Variants in BRF1 observed in about 807,000 individuals in gnomAD.
BRF1 encodes transcription factor IIIB 90 kDa subunit.
BRF1 carries 59 observed loss-of-function variants against 81.7 expected under a neutral mutation model. The ratio of observed to expected loss-of-function variants is 0.72; its 90% confidence interval spans 0.59 to 0.90. BRF1 has a LOEUF of 0.90. Ranked by LOEUF, BRF1 falls within the 40% of genes least tolerant of loss-of-function variation. The probability of loss-of-function intolerance (pLI) is 0.00; values close to 1 mark genes in which losing one functional copy is unlikely to be tolerated. For synonymous variants in BRF1, 491 were observed against 395.6 expected (o/e 1.24, Z -2.86); for missense variants, 1,050 against 936.3 (o/e 1.12, Z -1.58).
intron 1 of BRF1, chr14:105,314,933 C>A: frequency 1.8e-6 from 2 of 1,105,628 alleles, no homozygotes; most frequent in South Asian, 2.3e-5. Flanking sequence ...CCGAGCGAGG[C>A]CGCCTCGGCC....
chr14:105,302,927 C>T (rs920830638), upstream of BRF1, among the ~76,000 whole-genome samples: 14 of 149,040 alleles, frequency 9.4e-5, no homozygotes, highest in Non-Finnish European at 1.9e-4. Context: ...CACTGCTCCC[C>T]GCCCTTTCTC....
intron 1 of BRF1, among the ~76,000 whole-genome samples, chr14:105,313,892 C>T (rs1319628745): frequency 6.6e-6 from 1 of 152,254 alleles, no homozygotes; most frequent in South Asian, 2.1e-4. Context: ...CGGGCCCCAG[C>T]GGCTCTAGCC....
At chr14:105,296,300 G>A (rs11626001) in intron 1 of BRF1, among the ~76,000 whole-genome samples, 44,280 of 151,756 alleles carry the variant, frequency 0.29, 6,652 homozygotes, top group African/African-American at 0.31. Context: ...CGAGGTGGGC[G>A]GATCACGAGG....
chr14:105,274,851 TC>T (rs777440732), intron 2 of BRF1, among the ~76,000 whole-genome samples: 15 of 152,168 alleles, frequency 9.9e-5, no homozygotes, highest in Non-Finnish European at 1.9e-4. Context: ...ACAGTGGGCG[TC>T]GTGGGCAGGC....
intron 5 of BRF1, chr14:105,248,989 C>G (rs2055369629): frequency 1.0e-6 from 1 of 992,910 alleles, no homozygotes; most frequent in South Asian, 4.5e-5. Context: ...GCCCCCGCGC[C>G]AGCGCCGCCG....
At chr14:105,299,318 C>G (rs1295170595) in intron 1 of BRF1, among the ~76,000 whole-genome samples, 3 of 152,148 alleles carry the variant, frequency 2.0e-5, no homozygotes, top group Non-Finnish European at 4.4e-5. Context: ...ACGCTGTAAT[C>G]CCAGCAATTC....
chr14:105,215,341 A>G (rs763236891), intron 15 of BRF1, among the ~76,000 whole-genome samples: 5 of 152,146 alleles, frequency 3.3e-5, no homozygotes, highest in Non-Finnish European at 4.4e-5. Flanking sequence ...TGTTGCATGC[A>G]CACACACTGC....
chr14:105,241,192 G>T, intron 6 of BRF1, 73 bp downstream of exon 6: 1 of 1,578,214 alleles, frequency 6.3e-7, no homozygotes, highest in African/African-American at 1.3e-5. Context: ...CAGCCCACCA[G>T]CACTCAGGAG....
intron 1 of BRF1, among the ~76,000 whole-genome samples, chr14:105,306,434 G>C (rs2058189257): frequency 6.6e-6 from 1 of 152,082 alleles, no homozygotes. Flanking sequence ...CTCCCGATTA[G>C]CTGGGATTAC....
chr14:105,290,824 C>T (rs929468122), intron 1 of BRF1, among the ~76,000 whole-genome samples: 6 of 151,918 alleles, frequency 3.9e-5, no homozygotes, highest in Non-Finnish European at 1.5e-5. Flanking sequence ...ACCACAGTCA[C>T]CCTCCCTGGG....
chr14:105,310,187 A>G (rs1345623343), intron 1 of BRF1, among the ~76,000 whole-genome samples: 4 of 151,874 alleles, frequency 2.6e-5, no homozygotes, highest in Admixed American at 1.3e-4. Flanking sequence ...TCCACTGGGA[A>G]TTTTTTAGTG....
At position 105,219,904 on chromosome 14, in the gene BRF1, G is replaced by T. The variant is rs587625611; in HGVS notation, c.1377+165C>A. On this transcript the variant is annotated intron_variant, in intron 12 of 17. Transcript: ENST00000547530. ...GCCGACACTGGAGAAGAGAGTGTGG[G>T]GGGGGGTCCCGGGAACAGTGGCCAG... The T allele has an allele frequency of 1.8e-4, 130 of 731,178 alleles. 1 individual carries two copies. In the African/African-American group the frequency reaches 2.2e-3, roughly 12 times the overall value. 45.3% of individuals were successfully genotyped at this position (731,178 alleles called of 1,614,324 possible). A position where few individuals can be genotyped will look rare whatever the true frequency, so the allele number is the denominator to read the frequency against.
intron 4 of BRF1, among the ~76,000 whole-genome samples, chr14:105,254,734 G>A (rs1399231218): frequency 6.6e-6 from 1 of 151,766 alleles, no homozygotes. Context: ...GCTAATTTTT[G>A]TATTTTTAGT....
At chr14:105,283,447 A>C (rs2057193069) in intron 2 of BRF1, among the ~76,000 whole-genome samples, 1 of 151,990 alleles carries the variant, frequency 6.6e-6, no homozygotes, top group Non-Finnish European at 1.5e-5. Flanking sequence ...CCCCAGTAAG[A>C]CTCAAGAGGG....
intron 1 of BRF1, among the ~76,000 whole-genome samples, chr14:105,311,909 C>T (rs944855949): frequency 1.3e-5 from 2 of 152,188 alleles, no homozygotes; most frequent in East Asian, 1.9e-4. Context: ...TCTAGGGGTT[C>T]GGCAGTTCTG....
At chr14:105,247,651 C>A (rs1310064560) in intron 5 of BRF1, 6 of 985,250 alleles carry the variant, frequency 6.1e-6, no homozygotes, top group Non-Finnish European at 2.4e-6. Flanking sequence ...CACCCATGAC[C>A]CGAGATGCTG....
chr14:105,291,118 AG>A (rs1401684801), intron 1 of BRF1, among the ~76,000 whole-genome samples: 3 of 152,180 alleles, frequency 2.0e-5, no homozygotes, highest in Non-Finnish European at 4.4e-5. Context: ...GGAAGGGGCC[AG>A]GTCTTGTGGG....
chr14:105,287,359 G>A (rs1348170878), intron 1 of BRF1, among the ~76,000 whole-genome samples: 1 of 152,188 alleles, frequency 6.6e-6, no homozygotes, highest in Non-Finnish European at 1.5e-5. Context: ...CTTCCAACGA[G>A]AACAGTAAGG....
intron 1 of BRF1, chr14:105,314,505 A>C (rs1402870944): frequency 6.9e-6 from 1 of 145,192 alleles, no homozygotes; most frequent in South Asian, 2.2e-4. Flanking sequence ...CAGGCGCGTG[A>C]GTGCGCGCTC....
Sources: allele counts gnomAD v4.1 joint callset (sites outside exome capture counted in the v4.1 genomes callset), GRCh38; gene constraint gnomAD v4.1.1; transcripts MANE v1.5; gene names NCBI Gene and HGNC (gene_info 2026-07-23, HGNC 2026-07-21).